The following ARID1B variants were observed in gnomAD, a reference collection of about 807,000 sequenced individuals.
ARID1B encodes the protein AT-rich interaction domain 1B.
ARID1B carries 30 observed loss-of-function variants against 212.3 expected under a neutral mutation model. The ratio of observed to expected loss-of-function variants is 0.14; its 90% CI spans 0.11 to 0.19. The LOEUF (loss-of-function observed/expected upper bound fraction) is 0.19. Among genes scored for constraint, ARID1B ranks in the 10% least tolerant of loss-of-function variants. The pLI is 1.00. For synonymous variants in ARID1B, 1,402 were observed against 1,301.7 expected (o/e 1.08, Z -1.66); for missense variants, 2,891 against 3,204.0 (o/e 0.90, Z 2.36).
chr6:156,897,260 T>G, intron 2 of ARID1B, among the ~76,000 whole-genome samples: 1 of 132,838 alleles, frequency 7.5e-6, no homozygotes, highest in Admixed American at 8.2e-5. Context: ...TTCTTCTTCT[T>G]CTTCTTATTA....
At chr6:156,842,616 A>G (rs1008049124) in intron 2 of ARID1B, among the ~76,000 whole-genome samples, 2 of 152,158 alleles carry the variant, frequency 1.3e-5, no homozygotes, top group African/African-American at 4.8e-5. Flanking sequence ...AATTATTTTG[A>G]GTATATACCT....
intron 4 of ARID1B, among the ~76,000 whole-genome samples, chr6:156,981,863 T>A (rs568803503): frequency 2.0e-5 from 3 of 152,280 alleles, no homozygotes; most frequent in African/African-American, 7.2e-5. Context: ...CTCCAACAAC[T>A]GGGCAGTGCA....
At chr6:156,796,326 C>G (rs1479546960) in intron 1 of ARID1B, among the ~76,000 whole-genome samples, 3 of 151,178 alleles carry the variant, frequency 2.0e-5, no homozygotes, top group Admixed American at 6.6e-5. Context: ...TAAGAGCCCA[C>G]AGGAAGAAAA....
At chr6:156,896,934 A>G (rs931331539) in intron 2 of ARID1B, among the ~76,000 whole-genome samples, 1 of 152,178 alleles carries the variant, frequency 6.6e-6, no homozygotes, top group Non-Finnish European at 1.5e-5. Flanking sequence ...GTAACCTTTG[A>G]TCATTTCACT....
intron 2 of ARID1B, among the ~76,000 whole-genome samples, chr6:156,839,102 A>G (rs528726287): frequency 6.6e-6 from 1 of 152,326 alleles, no homozygotes; most frequent in Non-Finnish European, 1.5e-5. Flanking sequence ...TGGAGATGAC[A>G]AGGTCTTACT....
chr6:156,887,822 T>G (rs1787635076), intron 2 of ARID1B, among the ~76,000 whole-genome samples: 1 of 152,170 alleles, frequency 6.6e-6, no homozygotes, highest in Non-Finnish European at 1.5e-5. Flanking sequence ...GAATGAGTAA[T>G]TTATATGCAT....
rs1309144014 is a variant in ARID1B at position 157,164,473 on chromosome 6, C to T, written c.3090-2567C>T. On this transcript the variant is annotated intron_variant, in intron 8 of 19. Coordinates refer to ENST00000636930, the MANE Select transcript of ARID1B (RefSeq NM_001374828.1). ...ATTCTCTTTTTTACCTTAGTATAAA[C>T]AAGTGTCTCAAGGAACCATTAGTTT... Among the ~76,000 whole-genome samples, 3 of 152,118 alleles carry T rather than the reference C, an allele frequency of 2.0e-5. No homozygotes were observed. In the East Asian group the frequency reaches 5.8e-4, roughly 29 times the overall value.
chr6:157,205,548 AATTT>A (rs1562350352), intron 19 of ARID1B: 1 of 152,248 alleles, frequency 6.6e-6, no homozygotes, highest in Non-Finnish European at 1.5e-5. Flanking sequence ...GAAACATTTT[AATTT>A]ATTTATCATA....
intron 7 of ARID1B, among the ~76,000 whole-genome samples, chr6:157,138,506 A>C (rs1789101101): frequency 6.6e-6 from 1 of 152,070 alleles, no homozygotes. Flanking sequence ...CCAAAGTGCT[A>C]GGATTACAGG....
intron 1 of ARID1B, among the ~76,000 whole-genome samples, chr6:156,827,558 G>A (rs1782826469): frequency 1.3e-5 from 2 of 152,172 alleles, no homozygotes; most frequent in Admixed American, 6.5e-5. Flanking sequence ...GCTCACCCAT[G>A]TTCTGGCTTC....
At chr6:157,185,973 A>G (rs1792946175) in intron 13 of ARID1B, 1 of 152,538 alleles carries the variant, frequency 6.6e-6, no homozygotes, top group African/African-American at 2.4e-5. Flanking sequence ...ACAACATTAC[A>G]TCCAGTTCAC....
chr6:156,998,284 G>A (rs994992015), intron 4 of ARID1B, among the ~76,000 whole-genome samples: 59 of 150,814 alleles, frequency 3.9e-4, no homozygotes, highest in African/African-American at 1.3e-3. Context: ...GCAGTGGCGC[G>A]ATCTTGGCTC....
intron 2 of ARID1B, among the ~76,000 whole-genome samples, chr6:156,891,644 A>G (rs1026643392): frequency 6.6e-6 from 1 of 152,066 alleles, no homozygotes; most frequent in Non-Finnish European, 1.5e-5. Context: ...TATGGACAGA[A>G]CTTTTTGTTA....
At chr6:156,900,122 A>AC (rs1788798042) in intron 2 of ARID1B, among the ~76,000 whole-genome samples, 1 of 152,216 alleles carries the variant, frequency 6.6e-6, no homozygotes, top group Non-Finnish European at 1.5e-5. Flanking sequence ...GTGCTGTTAA[A>AC]TGGCTTGCAA....
intron 3 of ARID1B, among the ~76,000 whole-genome samples, chr6:156,912,013 G>T (rs1390779420): frequency 6.6e-6 from 1 of 152,124 alleles, no homozygotes; most frequent in Non-Finnish European, 1.5e-5. Context: ...GTAAAAACTG[G>T]TAAGAAAGTA....
intron 3 of ARID1B, among the ~76,000 whole-genome samples, chr6:156,926,114 G>A (rs1791197712): frequency 6.6e-6 from 1 of 152,192 alleles, no homozygotes; most frequent in Non-Finnish European, 1.5e-5. Context: ...TAGGACACCA[G>A]GCCTTTAAGA....
rs1346628622 is a variant in ARID1B, at chr6:157,209,647, G to C, written c.*1756G>C. Reference sequence around the variant, plus strand: ...TCAATCTATTCCTTGTTTCTTCTGTGTGCCTCAGAGTTATTTTGCATTTAG... The same window carrying C: ...TCAATCTATTCCTTGTTTCTTCTGTCTGCCTCAGAGTTATTTTGCATTTAG... On this transcript the variant is annotated 3_prime_UTR_variant, in exon 20 of 20. Transcript: ENST00000636930. 1.3e-5 allele frequency: 3 copies of C among 232,970 alleles called. No homozygotes were observed. Among genetic ancestry groups the C allele is most frequent in the Non-Finnish European group, 2.5e-5 (3 of 118,030 alleles). The allele number at this position is 232,970 out of a possible 1,614,324, so 14.4% of individuals were successfully genotyped here.
At chr6:156,787,939 A>T (rs1050934460) in intron 1 of ARID1B, among the ~76,000 whole-genome samples, 1 of 152,136 alleles carries the variant, frequency 6.6e-6, no homozygotes, top group African/African-American at 2.4e-5. Context: ...GCTGCTGGGC[A>T]GGGTTGTTGA....
intron 7 of ARID1B, among the ~76,000 whole-genome samples, chr6:157,143,640 G>A (rs1254898445): frequency 6.6e-6 from 1 of 152,114 alleles, no homozygotes; most frequent in Non-Finnish European, 1.5e-5. Context: ...ACAGTTCAGA[G>A]AGGTTAAACC....
Sources: allele counts gnomAD v4.1 joint callset (sites outside exome capture counted in the v4.1 genomes callset), GRCh38; gene constraint gnomAD v4.1.1; transcripts MANE v1.5; gene names NCBI Gene and HGNC (gene_info 2026-07-23, HGNC 2026-07-21).